Variants in PUM2 observed in about 807,000 individuals in gnomAD.
PUM2 encodes pumilio homolog 2.
In PUM2, 57 loss-of-function variants were observed where a neutral mutation model predicts 124.5. The observed-to-expected ratio is 0.46, with a 90% CI of 0.37 to 0.57. PUM2 has a LOEUF of 0.57. Among genes scored for constraint, PUM2 ranks in the 20% least tolerant of loss-of-function variants. PUM2 has a pLI of 0.00. For synonymous variants in PUM2, 460 were observed against 446.1 expected (o/e 1.03, Z -0.39); for missense variants, 1,065 against 1,290.6 (o/e 0.83, Z 2.68).
chr2:20,268,620 C>CAAACA (rs1215169899), intron 13 of PUM2, among the ~76,000 whole-genome samples: 18 of 151,036 alleles, frequency 1.2e-4, no homozygotes, highest in Admixed American at 5.9e-4. Context: ...CCTGTCTAAA[C>CAAACA]AAACAAAACA....
intron 7 of PUM2, among the ~76,000 whole-genome samples, chr2:20,300,302 G>A (rs1484803385): frequency 2.6e-5 from 4 of 151,922 alleles, no homozygotes; most frequent in Non-Finnish European, 4.4e-5. Context: ...GGCATGCGCC[G>A]CCACGCCTGG....
Position 20,253,919 on chromosome 2 carries a change from G to A in PUM2, c.2966C>T (p.Ala989Val), listed in dbSNP as rs767685119. ...VCCQNDGPHS[A>V]LYTMMKDQYA... is the part of the protein sequence containing the mutation. ...CTGGTCCTTCATCATGGTGTATAAG[G>A]CACTGTGAGGACCATCATTCTGGCA... Residue 989 changes from alanine to valine, a missense_variant, in exon 20 of 21, where the codon GCC (alanine) becomes GTC (valine). By Grantham distance (64) the Ala-to-Val change is moderately conservative (BLOSUM62 0). This residue lies in a region of PUM2 where 968 missense variants were observed against 1,159.8 expected (regional missense o/e 0.83). Coordinates refer to ENST00000361078, the MANE Select transcript of PUM2 (RefSeq NM_015317.5). The A allele has an allele frequency of 6.2e-7, 1 of 1,613,618 alleles. No homozygotes were observed. The highest frequency in any genetic ancestry group is 1.3e-5 in the African/African-American group (1 of 74,894).
intron 15 of PUM2, among the ~76,000 whole-genome samples, chr2:20,258,683 C>T (rs1324648908): frequency 9.1e-5 from 10 of 109,292 alleles, no homozygotes; most frequent in Non-Finnish European, 1.6e-4. Flanking sequence ...TTTGTTGAGA[C>T]GGAGTCTCGC....
chr2:20,288,695 A>T (rs1390436442), intron 10 of PUM2, among the ~76,000 whole-genome samples: 1 of 152,238 alleles, frequency 6.6e-6, no homozygotes, highest in Non-Finnish European at 1.5e-5. Context: ...CTAAAGTATG[A>T]GGCCTGAAGG....
rs1349253125 is a variant in PUM2 at position 20,263,383 on chromosome 2, T to C, written c.2035A>G (p.Thr679Ala). The change falls in exon 14 of 21, where the codon ACT becomes GCT. Residue 679 changes from threonine (T) to alanine (A), a missense_variant. Physicochemically the swap from Thr to Ala is moderately conservative, Grantham distance 58. Coordinates refer to ENST00000361078, the MANE Select transcript of PUM2 (RefSeq NM_015317.5). ...AEAKYRSASS[T>A]SSLFSSSSQL... ...CTGCTGGAGCTAAATAGACTGGAAG[T>C]GCTTGAAGCACTTCGATATTTTGCT... is the stretch of plus-strand genomic sequence containing the variant. 6.2e-7 allele frequency: 1 copy of C among 1,614,088 alleles called. No homozygotes were observed. The highest frequency in any genetic ancestry group is 1.1e-5 in the South Asian group (1 of 91,082).
At chr2:20,304,500 A>G (rs1331484501) in intron 7 of PUM2, among the ~76,000 whole-genome samples, 1 of 152,224 alleles carries the variant, frequency 6.6e-6, no homozygotes, top group East Asian at 1.9e-4. Flanking sequence ...TTCAGCACCC[A>G]TAAGTAAAGT....
rs117934109 is a variant in PUM2, at chr2:20,322,467, G to A, written c.52-3822C>T. On this transcript the variant is annotated intron_variant, in intron 2 of 20. Transcript: ENST00000361078. ...TAAATAAATATAAAATAAATTAGCC[G>A]GGTGTGGTGGCATGCACCTCTAGTC... 3.3e-4 allele frequency among the ~76,000 whole-genome samples: 50 copies of A among 151,804 alleles called. No individual in the cohort carries two copies. In the East Asian group the frequency reaches 7.3e-3, roughly 22 times the overall value.
intron 1 of PUM2, among the ~76,000 whole-genome samples, chr2:20,337,897 G>A (rs1452763729): frequency 6.6e-6 from 1 of 152,034 alleles, no homozygotes; most frequent in African/African-American, 2.4e-5. Flanking sequence ...GATTATACCA[G>A]GCACATTATA....
intron 2 of PUM2, chr2:20,326,525 G>A (rs987554910): frequency 1.4e-6 from 1 of 710,968 alleles, no homozygotes; most frequent in Non-Finnish European, 2.1e-6. Context: ...GTCTACGTTA[G>A]TAGTACAGAA....
At chr2:20,311,022 A>G (rs923208333) in intron 5 of PUM2, among the ~76,000 whole-genome samples, 7 of 152,076 alleles carry the variant, frequency 4.6e-5, no homozygotes, top group Non-Finnish European at 8.8e-5. Context: ...GCACAAACTC[A>G]TATATTTTAA....
intron 20 of PUM2, among the ~76,000 whole-genome samples, chr2:20,253,143 G>C (rs1033598954): frequency 7.2e-5 from 11 of 152,172 alleles, no homozygotes; most frequent in Admixed American, 5.9e-4. Flanking sequence ...AAGGCAAAAA[G>C]AACAATGTAA....
chr2:20,292,330 G>A (rs1674359454), intron 9 of PUM2, among the ~76,000 whole-genome samples: 1 of 151,320 alleles, frequency 6.6e-6, no homozygotes. Flanking sequence ...GATTTGTTTG[G>A]GAGTAGGAGG....
At chr2:20,324,833 C>A (rs1164027739) in intron 2 of PUM2, among the ~76,000 whole-genome samples, 1 of 151,384 alleles carries the variant, frequency 6.6e-6, no homozygotes, top group Non-Finnish European at 1.5e-5. Context: ...GTAGATGTAA[C>A]ACTTTGTACA....
chr2:20,303,937 TA>T (rs534419288), intron 7 of PUM2, among the ~76,000 whole-genome samples: 70 of 152,364 alleles, frequency 4.6e-4, no homozygotes, highest in African/African-American at 1.6e-3. Flanking sequence ...TGCACAACTT[TA>T]AAGTTCCCTT....
intron 14 of PUM2, among the ~76,000 whole-genome samples, chr2:20,260,709 T>TAC (rs1277587434): frequency 6.6e-6 from 1 of 152,252 alleles, no homozygotes; most frequent in Non-Finnish European, 1.5e-5. Context: ...TTAGGTTGGT[T>TAC]ACATTATAAT....
intron 1 of PUM2, among the ~76,000 whole-genome samples, chr2:20,328,261 CAG>C (rs1197675180): frequency 3.9e-5 from 6 of 152,142 alleles, no homozygotes; most frequent in Non-Finnish European, 7.4e-5. Context: ...ATCTGGGAGA[CAG>C]AGGTTACAAT....
intron 15 of PUM2, among the ~76,000 whole-genome samples, chr2:20,259,982 G>A (rs920706569): frequency 2.6e-5 from 4 of 152,170 alleles, no homozygotes; most frequent in African/African-American, 7.2e-5. Context: ...CATCTTAGTA[G>A]GTATAAAATG....
chr2:20,263,130 A>G (rs895349998), intron 14 of PUM2, 63 bp downstream of exon 14: 50 of 1,458,440 alleles, frequency 3.4e-5, no homozygotes, highest in Non-Finnish European at 4.7e-5. Context: ...AGAAAAATTT[A>G]AGCTTTTATA....
chr2:20,332,097 CA>C (rs1476979019), intron 1 of PUM2, among the ~76,000 whole-genome samples: 2 of 152,110 alleles, frequency 1.3e-5, no homozygotes, highest in Non-Finnish European at 2.9e-5. Context: ...TAGAGCAGGC[CA>C]TGCAAAAACA....
Sources: allele counts gnomAD v4.1 joint callset (sites outside exome capture counted in the v4.1 genomes callset), GRCh38; gene constraint gnomAD v4.1.1; regional missense constraint gnomAD v4.1.1; transcripts MANE v1.5; gene names NCBI Gene and HGNC (gene_info 2026-07-23, HGNC 2026-07-21).